HEATR5B: variants seen among roughly 807,000 people sequenced by gnomAD.
HEATR5B encodes HEAT repeat containing 5B, also known as HEAT repeat-containing protein 5B.
A neutral mutation model predicts 224.1 loss-of-function variants in HEATR5B; 156 were observed. That is an observed-to-expected ratio of 0.70 (90% CI 0.61 to 0.80). The LOEUF (loss-of-function observed/expected upper bound fraction) is 0.80, where lower values mean the gene tolerates loss of function less well. Among genes scored for constraint, HEATR5B ranks in the 30% least tolerant of loss-of-function variants. The pLI, the probability that HEATR5B is intolerant of heterozygous loss-of-function variation, is 0.00. For missense variants in HEATR5B, 2,323 were observed against 2,535.5 expected, an observed-to-expected ratio of 0.92 and a Z score of 1.80; for synonymous variants, 1,027 against 893.0, an observed-to-expected ratio of 1.15 and a Z score of -2.68.
At chr2:37,016,686 TTAA>T (rs1345681880) in intron 26 of HEATR5B, among the ~76,000 whole-genome samples, 10 of 152,198 alleles carry the variant, frequency 6.6e-5, no homozygotes, top group Non-Finnish European at 1.5e-4. Context: ...AAATAAATGA[TTAA>T]AAAAGCTTTT....
At chr2:36,987,689 T>A (rs1666038734) in intron 35 of HEATR5B, among the ~76,000 whole-genome samples, 2 of 152,178 alleles carry the variant, frequency 1.3e-5, no homozygotes, top group South Asian at 2.1e-4. Flanking sequence ...GATATTTTAA[T>A]AATTATGTTT....
intron 21 of HEATR5B, among the ~76,000 whole-genome samples, chr2:37,033,792 G>C (rs566029587): frequency 6.6e-6 from 1 of 152,198 alleles, no homozygotes; most frequent in East Asian, 1.9e-4. Context: ...ATGTAAGGTG[G>C]GAATATTAAC....
Position 37,009,159 on chromosome 2 carries a change from G to A in HEATR5B, c.4285-311C>T, listed in dbSNP as rs181778637. Among the ~76,000 whole-genome samples the A allele has an allele frequency of 2.0e-5, 3 of 150,118 alleles. No individual in the cohort carries two copies. The East Asian group carries it at 6.0e-4, about 30-fold the overall frequency. On this transcript the variant is annotated intron_variant, in intron 27 of 35. Transcript: ENST00000233099. The stretch of plus-strand genomic sequence containing the variant: ...TGTAGTCCTAGCTACTCCAGAGGCT[G>A]AGGCAGGGGAATCGCTTGAACCAGG...
At position 37,058,887 on chromosome 2, in the gene HEATR5B, C is replaced by G; in HGVS notation, c.1949+1G>C. Reference sequence around the variant, plus strand: ...TGAACTTGTCTCAATCGCTTACTTACTGTGACATCATAGTCATGGCACATT... The same window carrying G: ...TGAACTTGTCTCAATCGCTTACTTAGTGTGACATCATAGTCATGGCACATT... On this transcript the variant is annotated splice_donor_variant, in intron 13 of 35. Coordinates refer to ENST00000233099, the MANE Select transcript of HEATR5B (RefSeq NM_019024.3). LOFTEE classifies it high-confidence loss of function. The G allele has an allele frequency of 3.2e-6, 5 of 1,560,654 alleles. No individual in the cohort carries two copies. Among genetic ancestry groups the G allele is most frequent in the Non-Finnish European group, 4.4e-6 (5 of 1,134,428 alleles).
intron 2 of HEATR5B, among the ~76,000 whole-genome samples, chr2:37,082,767 G>A (rs555330049): frequency 3.6e-4 from 55 of 152,228 alleles, no homozygotes; most frequent in Admixed American, 3.3e-3. Flanking sequence ...TCTCTGTTCC[G>A]GGGTCTCAGC....
chr2:37,082,362 G>T (rs1049010012), intron 2 of HEATR5B, among the ~76,000 whole-genome samples: 3 of 152,028 alleles, frequency 2.0e-5, no homozygotes, highest in African/African-American at 7.2e-5. Context: ...TTACAGGCGT[G>T]AACCACCATG....
intron 22 of HEATR5B, among the ~76,000 whole-genome samples, chr2:37,031,434 C>CT (rs35877706): frequency 1.9e-3 from 236 of 126,008 alleles, no homozygotes; most frequent in Middle Eastern, 8.0e-3. Flanking sequence ...TCTTTTCTTT[C>CT]TTTTTTTTTT....
In HEATR5B at chr2:37,079,818, A is replaced by G. The variant is rs138237292; in HGVS notation, c.127-487T>C. Among the ~76,000 whole-genome samples, 33 of 152,364 alleles carry G rather than the reference A, an allele frequency of 2.2e-4. No individual in the cohort carries two copies. In the East Asian group the frequency reaches 4.8e-3, roughly 22 times the overall value. On this transcript the variant is annotated intron_variant, in intron 2 of 35. Transcript: ENST00000233099. ...CATAATCAATATCTAGAATTCATTT[A>G]TTTATTCAAACAATATTTATTATGT...
At position 37,064,781 on chromosome 2, in the gene HEATR5B, C is replaced by T. The variant is rs566940724; in HGVS notation, c.1543G>A (p.Val515Ile). The T allele has an allele frequency of 1.2e-6, 2 of 1,614,076 alleles. No homozygotes were observed. Among genetic ancestry groups the T allele is most frequent in the Middle Eastern group, 1.6e-4 (1 of 6,062 alleles). Residue 515 changes from valine to isoleucine, a missense_variant, in exon 10 of 36, where the codon GTA becomes ATA. This residue lies in a region of HEATR5B where 502 missense variants were observed against 517.8 expected (regional missense o/e 0.97). Transcript: ENST00000233099. ...SFAMAALLGG[V>I]HQCPLGIPHA... ...GGAATGCCCAAAGGACACTGATGTA[C>T]TCCACCTAACAAAGCAGCCATTGCA...
chr2:37,026,414 T>G (rs1227859833), intron 24 of HEATR5B, among the ~76,000 whole-genome samples: 1 of 152,210 alleles, frequency 6.6e-6, no homozygotes, highest in East Asian at 1.9e-4. Flanking sequence ...AATAGAAAAC[T>G]AATGCCACCA....
intron 19 of HEATR5B, 87 bp downstream of exon 19, chr2:37,041,046 T>TA: frequency 9.2e-7 from 1 of 1,082,516 alleles, no homozygotes; most frequent in South Asian, 1.4e-5. Flanking sequence ...CCTAACAACT[T>TA]ACCACGGTCA....
intron 27 of HEATR5B, among the ~76,000 whole-genome samples, chr2:37,013,208 G>A (rs1045302870): frequency 2.0e-5 from 3 of 152,160 alleles, no homozygotes; most frequent in Non-Finnish European, 2.9e-5. Context: ...TGAATACCAC[G>A]AAAATAGGGA....
At position 36,990,700 on chromosome 2, in the gene HEATR5B, T is replaced by C. The variant is rs1666269021; in HGVS notation, c.5645A>G (p.Gln1882Arg). 3.7e-6 allele frequency: 6 copies of C among 1,610,924 alleles called. No individual in the cohort carries two copies. The South Asian group carries it at 5.5e-5, about 15-fold the overall frequency. The change falls in exon 34 of 36, where the codon CAG becomes CGG. Residue 1882 changes from glutamine (Q) to arginine (R), a missense_variant. Coordinates refer to ENST00000233099, the MANE Select transcript of HEATR5B (RefSeq NM_019024.3). Reference sequence around the variant, plus strand: ...TTTAAATCTGTTCATGCAGCCATTCTGTAATGACTGGACTCCTATTATTTC... The same window carrying C: ...TTTAAATCTGTTCATGCAGCCATTCCGTAATGACTGGACTCCTATTATTTC... Reference protein sequence around the residue: ...SNEIIGVQSLQNGCMNRFKNA... With the variant: ...SNEIIGVQSLRNGCMNRFKNA...
In HEATR5B at chr2:37,008,900, A is replaced by T. The variant is rs749849837; in HGVS notation, c.4285-52T>A. 2.7e-6 allele frequency: 3 copies of T among 1,098,620 alleles called. No homozygotes were observed. The South Asian group carries it at 4.3e-5, about 16-fold the overall frequency. The allele number at this position is 1,098,620 out of a possible 1,614,324, so 68.1% of individuals were successfully genotyped here. ...TAGTAAGGCATAAGATAAAAAAATA[A>T]GATATTTTACGTTATTATAAAAATA... On this transcript the variant is annotated intron_variant, in intron 27 of 35. Coordinates refer to ENST00000233099, the MANE Select transcript of HEATR5B (RefSeq NM_019024.3).
At chr2:37,034,106 A>G (rs185835986) in intron 21 of HEATR5B, among the ~76,000 whole-genome samples, 68 of 151,798 alleles carry the variant, frequency 4.5e-4, no homozygotes, top group African/African-American at 1.5e-3. Flanking sequence ...ACTTGCATAA[A>G]ATTCATAGTC....
At chr2:37,079,441 A>G (rs1672423285) in intron 2 of HEATR5B, 110 bp from the exon 3 acceptor site, 1 of 598,332 alleles carries the variant, frequency 1.7e-6, no homozygotes, top group Non-Finnish European at 2.9e-6. Flanking sequence ...TTAAAAATCT[A>G]TATTGTATTA....
rs1671054308 is a variant in HEATR5B at position 37,058,526 on chromosome 2, G to A, written c.1984C>T (p.Leu662=). 1 of 1,612,742 alleles carries A rather than the reference G, an allele frequency of 6.2e-7. No homozygotes were observed. The change falls in exon 14 of 36, where the codon CTG becomes TTG. Residue 662 remains leucine, a synonymous_variant. Coordinates refer to ENST00000233099, the MANE Select transcript of HEATR5B (RefSeq NM_019024.3). ...CGGACCATTGCAGCACTAGCTTTCA[G>A]ATGAGCTCCATGGGCTTTCATTACA... The part of the protein sequence containing the change: ...PSVMKAHGAH[L]KASAAMVRLR...
intron 8 of HEATR5B, among the ~76,000 whole-genome samples, 159 bp from the exon 9 acceptor site, chr2:37,066,069 A>G (rs189604175): frequency 1.3e-3 from 204 of 152,360 alleles, no homozygotes; most frequent in African/African-American, 4.5e-3. Flanking sequence ...CTAAACACTG[A>G]AGTGACTTAA....
intron 16 of HEATR5B, 127 bp from the exon 17 acceptor site, chr2:37,053,734 C>T (rs1349155493): frequency 3.5e-6 from 2 of 566,332 alleles, no homozygotes; most frequent in African/African-American, 1.9e-5. Flanking sequence ...TTTTCTATTT[C>T]ATTCCCACAG....
Sources: gnomAD v4.1 joint callset for allele counts (sites outside exome capture counted in the v4.1 genomes callset) on GRCh38, gnomAD v4.1.1 for gene constraint, gnomAD v4.1.1 regional missense constraint, MANE v1.5 for transcripts, NCBI Gene and HGNC (gene_info 2026-07-23, HGNC 2026-07-21) for gene names.